EXOC4: variants seen among roughly 807,000 people sequenced by gnomAD.
The protein encoded by EXOC4 is exocyst complex component 4, also known as SEC8-like 1.
EXOC4 carries 71 observed loss-of-function variants against 107.2 expected under a neutral mutation model. That is an observed-to-expected ratio of 0.66 (90% CI 0.55 to 0.81). The LOEUF is 0.81. Among genes scored for constraint, EXOC4 ranks in the 30% least tolerant of loss-of-function variants. EXOC4 has a pLI of 0.00. For missense variants in EXOC4, 1,108 were observed against 1,189.6 expected (o/e 0.93, Z 1.01); for synonymous variants, 456 against 441.2 (o/e 1.03, Z -0.42).
At chr7:133,662,943 G>T (rs1793729765) in intron 10 of EXOC4, among the ~76,000 whole-genome samples, 1 of 152,142 alleles carries the variant, frequency 6.6e-6, no homozygotes, top group Non-Finnish European at 1.5e-5. Context: ...AGTATGTATT[G>T]TGCAAGTGAT....
chr7:134,094,061 A>G, the EXOC4 span, among the ~76,000 whole-genome samples: 1 of 152,328 alleles, frequency 6.6e-6, no homozygotes, highest in Non-Finnish European at 1.5e-5. Flanking sequence ...AAGAAAATAA[A>G]TAACTAAAAT....
chr7:133,378,184 G>A (rs1239392288), intron 7 of EXOC4, among the ~76,000 whole-genome samples: 3 of 151,794 alleles, frequency 2.0e-5, no homozygotes, highest in Non-Finnish European at 2.9e-5. Flanking sequence ...GGTGTCTGGC[G>A]CCTGTAATCC....
At chr7:133,620,185 G>C (rs1802296389) in intron 9 of EXOC4, among the ~76,000 whole-genome samples, 1 of 151,994 alleles carries the variant, frequency 6.6e-6, no homozygotes, top group Non-Finnish European at 1.5e-5. Flanking sequence ...ACCACACCTG[G>C]CTAGTTTTTT....
chr7:133,510,831 T>C lies in EXOC4; in HGVS notation c.1417+30693T>C, dbSNP rs1799754606. Among the ~76,000 whole-genome samples the C allele has an allele frequency of 2.0e-5, 3 of 152,198 alleles. No individual in the cohort carries two copies. The South Asian group carries it at 6.2e-4, about 32-fold the overall frequency. ...ATATCACACCAGAAGCTGTAGTGACTGTATTGTGATAGTCCTGGTATTGCA... is the reference window on the plus strand; with the variant it reads ...ATATCACACCAGAAGCTGTAGTGACCGTATTGTGATAGTCCTGGTATTGCA... On this transcript the variant is annotated intron_variant, in intron 9 of 17. Coordinates refer to ENST00000253861, the MANE Select transcript of EXOC4 (RefSeq NM_021807.4).
At chr7:133,525,454 A>G (rs1800061530) in intron 9 of EXOC4, among the ~76,000 whole-genome samples, 1 of 152,098 alleles carries the variant, frequency 6.6e-6, no homozygotes, top group Non-Finnish European at 1.5e-5. Flanking sequence ...ATTCTTTTTC[A>G]TGATGTGGTT....
chr7:134,034,274 G>C (rs1795337507), intron 17 of EXOC4, among the ~76,000 whole-genome samples: 1 of 152,136 alleles, frequency 6.6e-6, no homozygotes, highest in African/African-American at 2.4e-5. Context: ...TAGTACAAGA[G>C]AAAGGAAAGG....
chr7:133,290,304 C>T (rs1309123571), intron 3 of EXOC4, among the ~76,000 whole-genome samples: 3 of 152,012 alleles, frequency 2.0e-5, no homozygotes, highest in African/African-American at 7.2e-5. Context: ...TCAAAAAGAA[C>T]CCCAATAAAC....
intron 11 of EXOC4, among the ~76,000 whole-genome samples, chr7:133,862,043 T>C (rs1247775232): frequency 6.6e-6 from 1 of 152,150 alleles, no homozygotes; most frequent in Admixed American, 6.6e-5. Context: ...ATAAAAGTCA[T>C]GAGACAACCT....
At chr7:134,085,006 A>G in the EXOC4 span, among the ~76,000 whole-genome samples, 17 of 152,188 alleles carry the variant, frequency 1.1e-4, no homozygotes, top group Admixed American at 9.8e-4. Context: ...GCCTTTTTTG[A>G]ACACAGTTTG....
chr7:134,041,981 AG>A (rs1795530365), intron 17 of EXOC4, among the ~76,000 whole-genome samples: 1 of 152,130 alleles, frequency 6.6e-6, no homozygotes, highest in African/African-American at 2.4e-5. Context: ...ATGTGCAGGT[AG>A]GTAGTACAGG....
intron 9 of EXOC4, among the ~76,000 whole-genome samples, chr7:133,539,246 T>G (rs1800335355): frequency 6.6e-6 from 1 of 152,134 alleles, no homozygotes; most frequent in Admixed American, 6.5e-5. Flanking sequence ...ATTCTTTCTG[T>G]CCTACTTAAG....
chr7:133,323,577 G>A (rs1273046522), intron 5 of EXOC4, among the ~76,000 whole-genome samples: 1 of 152,168 alleles, frequency 6.6e-6, no homozygotes, highest in Non-Finnish European at 1.5e-5. Flanking sequence ...GATCATGGTG[G>A]ATAAGCTTTT....
At chr7:133,815,999 C>G (rs1767574244) in intron 10 of EXOC4, among the ~76,000 whole-genome samples, 1 of 152,210 alleles carries the variant, frequency 6.6e-6, no homozygotes, top group South Asian at 2.1e-4. Context: ...GGCACCACAG[C>G]TGCTTGCTTT....
chr7:133,375,028 A>T (rs200451068), intron 7 of EXOC4, 26 bp downstream of exon 7: 2 of 1,595,156 alleles, frequency 1.3e-6, no homozygotes, highest in East Asian at 4.5e-5. Flanking sequence ...AAAGGGTGTC[A>T]TCTTGATTCA....
chr7:133,272,639 T>C (rs114326709), intron 1 of EXOC4, among the ~76,000 whole-genome samples: 1,964 of 152,066 alleles, frequency 0.013, 32 homozygotes, highest in African/African-American at 0.045. Flanking sequence ...ATAATGTAAA[T>C]ATTTTTCACT....
At chr7:133,941,188 A>G (rs1455129300) in intron 14 of EXOC4, among the ~76,000 whole-genome samples, 2 of 151,926 alleles carry the variant, frequency 1.3e-5, no homozygotes, top group East Asian at 3.9e-4. Flanking sequence ...TAGTAGAGGC[A>G]GGGTTTCACT....
chr7:133,424,266 T>G (rs777982866), intron 7 of EXOC4, among the ~76,000 whole-genome samples: 1 of 152,138 alleles, frequency 6.6e-6, no homozygotes, highest in African/African-American at 2.4e-5. Flanking sequence ...AACACTCTTA[T>G]GAGCTGTAAC....
At chr7:133,602,909 T>G (rs1175163241) in intron 9 of EXOC4, among the ~76,000 whole-genome samples, 1 of 152,080 alleles carries the variant, frequency 6.6e-6, no homozygotes, top group Non-Finnish European at 1.5e-5. Flanking sequence ...AAAATAAGTG[T>G]TGTGTGTGTT....
chr7:133,363,381 A>C (rs1434197559), intron 6 of EXOC4, among the ~76,000 whole-genome samples: 4 of 152,206 alleles, frequency 2.6e-5, no homozygotes. Context: ...TATACTTTCT[A>C]GTAAGACTTA....
Sources: allele counts gnomAD v4.1 joint callset (sites outside exome capture counted in the v4.1 genomes callset), GRCh38; gene constraint gnomAD v4.1.1; transcripts MANE v1.5; gene names NCBI Gene and HGNC (gene_info 2026-07-23, HGNC 2026-07-21).